The following GALNT17 variants were observed in gnomAD, a reference collection of about 807,000 sequenced individuals.
GALNT17 encodes the protein polypeptide N-acetylgalactosaminyltransferase 17.
GALNT17 carries 29 observed loss-of-function variants against 63.7 expected under a neutral mutation model. That is an observed-to-expected ratio of 0.46 (90% CI 0.34 to 0.62). GALNT17 has a LOEUF of 0.62. Ranked by LOEUF, GALNT17 falls within the 20% of genes least tolerant of loss-of-function variation. The pLI is 0.01. For synonymous variants in GALNT17, 305 were observed against 318.3 expected (o/e 0.96, Z 0.45); for missense variants, 603 against 799.6 (o/e 0.75, Z 2.97).
intron 9 of GALNT17, among the ~76,000 whole-genome samples, chr7:71,693,857 T>C (rs1354335196): frequency 6.6e-6 from 1 of 150,912 alleles, no homozygotes; most frequent in Admixed American, 6.6e-5. Context: ...AGAAAACAAG[T>C]TCTTTGTAAA....
intron 1 of GALNT17, among the ~76,000 whole-genome samples, chr7:71,171,058 G>A (rs922185791): frequency 1.3e-5 from 2 of 151,894 alleles, no homozygotes; most frequent in Non-Finnish European, 2.9e-5. Flanking sequence ...ACAGGACAAG[G>A]GTAAAAATTT....
intron 2 of GALNT17, among the ~76,000 whole-genome samples, chr7:71,360,423 A>G (rs889769261): frequency 3.3e-5 from 5 of 152,232 alleles, no homozygotes; most frequent in Non-Finnish European, 5.9e-5. Context: ...ACTTGTGATG[A>G]AAAAGTCATT....
intron 5 of GALNT17, among the ~76,000 whole-genome samples, chr7:71,514,168 C>G (rs1464211088): frequency 2.6e-5 from 4 of 152,102 alleles, no homozygotes; most frequent in Admixed American, 2.6e-4. Flanking sequence ...ACACTCCAGC[C>G]TAGGTGATAG....
intron 1 of GALNT17, among the ~76,000 whole-genome samples, chr7:71,182,910 C>T (rs1788759426): frequency 6.6e-6 from 1 of 152,228 alleles, no homozygotes; most frequent in Non-Finnish European, 1.5e-5. Flanking sequence ...GAATCTTTCT[C>T]TGTTCATGAA....
At chr7:71,489,730 C>T (rs140385713) in intron 5 of GALNT17, among the ~76,000 whole-genome samples, 1 of 152,352 alleles carries the variant, frequency 6.6e-6, no homozygotes, top group Non-Finnish European at 1.5e-5. Context: ...CTGCAACCGC[C>T]TGCAAACATC....
chr7:71,548,348 AC>A (rs1273286668), intron 5 of GALNT17, among the ~76,000 whole-genome samples: 2 of 152,164 alleles, frequency 1.3e-5, no homozygotes, highest in African/African-American at 4.8e-5. Context: ...AATGACAAGG[AC>A]AGCAATCTTT....
chr7:71,197,548 A>T (rs1217396269), intron 1 of GALNT17, among the ~76,000 whole-genome samples: 1 of 151,284 alleles, frequency 6.6e-6, no homozygotes, highest in Non-Finnish European at 1.5e-5. Context: ...CATTTTATCT[A>T]ATTATATTTT....
At chr7:71,513,986 G>A (rs1255089644) in intron 5 of GALNT17, among the ~76,000 whole-genome samples, 1 of 152,150 alleles carries the variant, frequency 6.6e-6, no homozygotes, top group East Asian at 1.9e-4. Context: ...GAGACCAGGA[G>A]TTTGAGACCA....
intron 3 of GALNT17, among the ~76,000 whole-genome samples, chr7:71,396,660 G>C (rs548999167): frequency 1.8e-4 from 28 of 152,212 alleles, no homozygotes; most frequent in Non-Finnish European, 4.0e-4. Flanking sequence ...AGAAATAGCT[G>C]TTAGAATTTT....
At chr7:71,180,250 G>T (rs6460643) in intron 1 of GALNT17, among the ~76,000 whole-genome samples, 1 of 151,810 alleles carries the variant, frequency 6.6e-6, no homozygotes, top group South Asian at 2.1e-4. Flanking sequence ...CTCAGCCTCC[G>T]TAGTAGCTGG....
intron 6 of GALNT17, among the ~76,000 whole-genome samples, chr7:71,598,449 T>C (rs1461586400): frequency 6.6e-6 from 1 of 152,226 alleles, no homozygotes; most frequent in Non-Finnish European, 1.5e-5. Flanking sequence ...ATCTCACATA[T>C]GTGAAGATGA....
chr7:71,237,699 C>CA (rs1366801100), intron 1 of GALNT17, among the ~76,000 whole-genome samples: 6 of 152,074 alleles, frequency 3.9e-5, no homozygotes, highest in African/African-American at 1.2e-4. Context: ...ACCAAACAAA[C>CA]AAACAAGTAA....
chr7:71,287,147 T>TG (rs1000815653), intron 1 of GALNT17, among the ~76,000 whole-genome samples: 1 of 152,100 alleles, frequency 6.6e-6, no homozygotes, highest in African/African-American at 2.4e-5. Flanking sequence ...TGGAGTGCCG[T>TG]GGTGCAATCA....
At chr7:71,605,414 A>G (rs1054031680) in intron 6 of GALNT17, among the ~76,000 whole-genome samples, 1 of 151,850 alleles carries the variant, frequency 6.6e-6, no homozygotes, top group Non-Finnish European at 1.5e-5. Context: ...GGTGAAAGCC[A>G]ATCTCTACTA....
intron 9 of GALNT17, among the ~76,000 whole-genome samples, chr7:71,703,930 C>G: frequency 6.6e-6 from 1 of 152,118 alleles, no homozygotes; most frequent in East Asian, 1.9e-4. Context: ...GGGCCCAGGA[C>G]ACCAGGATAG....
rs190912421 is a variant in GALNT17, at chr7:71,547,352, C to T, written c.963-23933C>T. On this transcript the variant is annotated intron_variant, in intron 5 of 10. Transcript: ENST00000333538. ...GCTAATTTTTGTATTTTAATTGAGA[C>T]GGGGTTTCACCAGGCTGATCTCAAA... Among the ~76,000 whole-genome samples, 22 of 152,062 alleles carry T rather than the reference C, an allele frequency of 1.4e-4. No individual in the cohort carries two copies. The East Asian group carries it at 2.1e-3, about 15-fold the overall frequency.
chr7:71,149,355 G>A (rs1167184060), intron 1 of GALNT17, among the ~76,000 whole-genome samples: 2 of 152,130 alleles, frequency 1.3e-5, no homozygotes, highest in Non-Finnish European at 2.9e-5. Flanking sequence ...TAAACAAATT[G>A]TCCAGAGGCA....
At chr7:71,410,748 C>T (rs2116418580) in intron 3 of GALNT17, among the ~76,000 whole-genome samples, 1 of 152,298 alleles carries the variant, frequency 6.6e-6, no homozygotes, top group Admixed American at 6.5e-5. Flanking sequence ...CCAATTTATG[C>T]TCCATGAGCC....
rs1476079355 is a variant in GALNT17, at chr7:71,288,026, T to TG, written c.239-47522dup. 2.0e-3 allele frequency among the ~76,000 whole-genome samples: 261 copies of TG among 132,910 alleles called. 2 individuals are homozygous for TG. Among genetic ancestry groups the TG allele is most frequent in the African/African-American group, 7.4e-3 (239 of 32,102 alleles). The allele number at this position is 132,910 out of a possible 152,430, so 87.2% of individuals were successfully genotyped here. On this transcript the variant is annotated intron_variant, in intron 1 of 10. Coordinates refer to ENST00000333538, the MANE Select transcript of GALNT17 (RefSeq NM_022479.3). ...GAGATCACACCACTTCACTCCAGAC[T>TG]GGTGACAGAGCGAGACTGTCTCAAA...
Sources: gnomAD v4.1 joint callset for allele counts (sites outside exome capture counted in the v4.1 genomes callset) on GRCh38, gnomAD v4.1.1 for gene constraint, MANE v1.5 for transcripts, NCBI Gene and HGNC (gene_info 2026-07-23, HGNC 2026-07-21) for gene names.